Variants in ITPR2 observed in about 807,000 individuals in gnomAD.
ITPR2 encodes inositol 1,4,5-trisphosphate receptor type 2, also known as inositol 1,4,5-trisphosphate-gated calcium channel ITPR2.
In ITPR2, 207 loss-of-function variants were observed where a neutral mutation model predicts 317.1. That is an observed-to-expected ratio of 0.65 (90% CI 0.58 to 0.73). ITPR2 has a LOEUF of 0.73. Among genes scored for constraint, ITPR2 ranks in the 30% least tolerant of loss-of-function variants. The pLI is 0.00. For missense variants in ITPR2, 2,613 were observed against 3,284.0 expected (o/e 0.80, Z 4.99); for synonymous variants, 1,156 against 1,149.1 (o/e 1.01, Z -0.12).
intron 45 of ITPR2, among the ~76,000 whole-genome samples, chr12:26,458,946 C>T (rs775048299): frequency 1.8e-4 from 28 of 152,162 alleles, no homozygotes; most frequent in Non-Finnish European, 2.8e-4. Flanking sequence ...GATCCCATAG[C>T]GGGCCTTCCC....
Position 26,790,182 on chromosome 12 carries a change from A to G in ITPR2, c.138T>C (p.Leu46=). The G allele has an allele frequency of 1.2e-6, 2 of 1,613,782 alleles. No homozygotes were observed. Among genetic ancestry groups the G allele is most frequent in the South Asian group, 2.2e-5 (2 of 91,070 alleles). The change falls in exon 2 of 57, where the codon CTT becomes CTC. Residue 46 remains leucine (L), a synonymous_variant. Transcript: ENST00000381340. ...RCVVHPEAGD[L]ANPPKKFRDC... ...CTCTGAACTTCTTGGGAGGGTTGGC[A>G]AGGTCCCCGGCCTCTGGGTGCACCA... is the stretch of plus-strand genomic sequence containing the variant.
chr12:26,711,611 T>A (rs902649538), intron 8 of ITPR2, among the ~76,000 whole-genome samples: 4 of 152,242 alleles, frequency 2.6e-5, no homozygotes, highest in African/African-American at 9.6e-5. Flanking sequence ...GAGCCCACTA[T>A]GTGCCAAGTA....
intron 26 of ITPR2, among the ~76,000 whole-genome samples, chr12:26,616,079 A>G (rs1946365929): frequency 6.6e-6 from 1 of 152,046 alleles, no homozygotes; most frequent in African/African-American, 2.4e-5. Context: ...GAATTCAATT[A>G]ACAAAAAAGG....
At chr12:26,774,674 C>T (rs746646392) in intron 2 of ITPR2, among the ~76,000 whole-genome samples, 2 of 152,180 alleles carry the variant, frequency 1.3e-5, no homozygotes, top group African/African-American at 2.4e-5. Context: ...AAAATTCTGA[C>T]GATCCACAAG....
chr12:26,354,760 C>T (rs1473489177), intron 55 of ITPR2, among the ~76,000 whole-genome samples: 1 of 152,090 alleles, frequency 6.6e-6, no homozygotes, highest in Non-Finnish European at 1.5e-5. Flanking sequence ...CCTCTGCCTC[C>T]CGGGTTCAAG....
At chr12:26,428,861 T>G (rs1206461479) in intron 48 of ITPR2, among the ~76,000 whole-genome samples, 1 of 152,216 alleles carries the variant, frequency 6.6e-6, no homozygotes, top group Non-Finnish European at 1.5e-5. Context: ...GGTGCTGCAT[T>G]TGCAGAAGTA....
intron 21 of ITPR2, among the ~76,000 whole-genome samples, chr12:26,638,596 T>C (rs1946913416): frequency 6.6e-6 from 1 of 152,216 alleles, no homozygotes; most frequent in Non-Finnish European, 1.5e-5. Flanking sequence ...TGCCAAAGAA[T>C]ACTGGGTAAC....
intron 54 of ITPR2, among the ~76,000 whole-genome samples, chr12:26,390,476 A>C (rs998387908): frequency 6.6e-6 from 1 of 152,204 alleles, no homozygotes; most frequent in African/African-American, 2.4e-5. Context: ...AAAACATCCT[A>C]CTAAGTGAAA....
At chr12:26,655,686 A>G (rs778313133) in intron 20 of ITPR2, 22 bp downstream of exon 20, 6 of 1,602,278 alleles carry the variant, frequency 3.7e-6, no homozygotes, top group Non-Finnish European at 5.1e-6. Flanking sequence ...AAAACATCCT[A>G]AATATTAGAG....
chr12:26,491,562 C>T (rs1408147464), intron 39 of ITPR2, among the ~76,000 whole-genome samples: 1 of 148,872 alleles, frequency 6.7e-6, no homozygotes, highest in Non-Finnish European at 1.5e-5. Context: ...AAACTGGAAG[C>T]AGGGACACCT....
intron 54 of ITPR2, among the ~76,000 whole-genome samples, chr12:26,389,848 AG>A (rs1939779693): frequency 6.6e-6 from 1 of 152,244 alleles, no homozygotes; most frequent in African/African-American, 2.4e-5. Flanking sequence ...TACTCAGCAA[AG>A]GAGAAAGAAA....
chr12:26,354,857 G>A (rs549723427), intron 55 of ITPR2, among the ~76,000 whole-genome samples: 2 of 152,206 alleles, frequency 1.3e-5, no homozygotes, highest in South Asian at 4.1e-4. Context: ...ATTTTTAGTA[G>A]AGACAGGGTT....
intron 1 of ITPR2, among the ~76,000 whole-genome samples, chr12:26,791,001 T>A (rs148340506): frequency 1.3e-4 from 20 of 152,382 alleles, no homozygotes; most frequent in African/African-American, 4.8e-4. Flanking sequence ...ATCTTGTGTC[T>A]TCACATATTC....
At chr12:26,782,037 T>TATAGAGAG (rs1950102369) in intron 2 of ITPR2, among the ~76,000 whole-genome samples, 1 of 51,736 alleles carries the variant, frequency 1.9e-5, no homozygotes, top group African/African-American at 5.7e-5. Context: ...TATATATGTA[T>TATAGAGAG]AGAGAGAGAG....
At chr12:26,505,298 A>C (rs1943159534) in intron 37 of ITPR2, among the ~76,000 whole-genome samples, 1 of 152,182 alleles carries the variant, frequency 6.6e-6, no homozygotes, top group African/African-American at 2.4e-5. Flanking sequence ...ATGATACACA[A>C]TGCAACACCT....
chr12:26,666,575 T>G (rs956651311), intron 13 of ITPR2, among the ~76,000 whole-genome samples: 2 of 152,192 alleles, frequency 1.3e-5, no homozygotes, highest in Admixed American at 1.3e-4. Context: ...AAACTACATT[T>G]CCTAATCCTC....
intron 52 of ITPR2, among the ~76,000 whole-genome samples, chr12:26,404,837 T>C (rs750282926): frequency 3.9e-5 from 6 of 152,012 alleles, no homozygotes; most frequent in Admixed American, 2.0e-4. Context: ...GGGGTAGTTA[T>C]AAAAGAAGGG....
At chr12:26,740,827 G>T (rs1432820285) in intron 2 of ITPR2, among the ~76,000 whole-genome samples, 1 of 152,108 alleles carries the variant, frequency 6.6e-6, no homozygotes, top group Non-Finnish European at 1.5e-5. Context: ...ACTGCCTACT[G>T]GATGAAGCCC....
chr12:26,604,211 G>A (rs191331714), intron 26 of ITPR2, among the ~76,000 whole-genome samples: 8 of 152,214 alleles, frequency 5.3e-5, no homozygotes, highest in African/African-American at 1.4e-4. Flanking sequence ...CTTAATCCAC[G>A]TTGAGCCAAA....
Sources: gnomAD v4.1 joint callset for allele counts (sites outside exome capture counted in the v4.1 genomes callset) on GRCh38, gnomAD v4.1.1 for gene constraint, MANE v1.5 for transcripts, NCBI Gene and HGNC (gene_info 2026-07-23, HGNC 2026-07-21) for gene names.